The following FARS2 variants were observed in gnomAD, a reference collection of about 807,000 sequenced individuals.
FARS2 encodes the protein phenylalanyl-tRNA synthetase 2, mitochondrial.
Under a neutral mutation model 46.4 loss-of-function variants are expected in FARS2, and 40 were observed. The ratio of observed to expected loss-of-function variants is 0.86; its 90% CI spans 0.67 to 1.12. The LOEUF is 1.12. FARS2 is among the 50% of genes most tolerant of loss of function. The pLI, the probability that FARS2 is intolerant of heterozygous loss-of-function variation, is 0.00. For synonymous variants in FARS2, 234 were observed against 214.9 expected, an observed-to-expected ratio of 1.09 and a Z score of -0.78; for missense variants, 513 against 567.9, an observed-to-expected ratio of 0.90 and a Z score of 0.98.
intron 6 of FARS2, among the ~76,000 whole-genome samples, chr6:5,734,595 G>A (rs985219623): frequency 2.0e-5 from 3 of 152,144 alleles, no homozygotes; most frequent in Non-Finnish European, 2.9e-5. Context: ...CAGGGAACAC[G>A]TACATAGCAC....
intron 1 of FARS2, among the ~76,000 whole-genome samples, chr6:5,341,036 T>C (rs1365394343): frequency 1.3e-5 from 2 of 150,450 alleles, no homozygotes; most frequent in African/African-American, 2.4e-5. Context: ...TAATCCCAGC[T>C]ACTCAGGAGG....
At chr6:5,503,373 A>AGC (rs759408179) in intron 4 of FARS2, among the ~76,000 whole-genome samples, 1 of 136,266 alleles carries the variant, frequency 7.3e-6, no homozygotes, top group African/African-American at 2.7e-5. Flanking sequence ...AGGTATTCTT[A>AGC]ACACACACAC....
intron 2 of FARS2, among the ~76,000 whole-genome samples, chr6:5,391,242 G>T (rs964912544): frequency 3.3e-5 from 5 of 152,178 alleles, no homozygotes; most frequent in African/African-American, 1.2e-4. Context: ...ATGACTTGGA[G>T]ATTTTGGGTT....
chr6:5,597,632 G>A (rs752389789), intron 5 of FARS2, among the ~76,000 whole-genome samples: 46 of 152,194 alleles, frequency 3.0e-4, no homozygotes, highest in Non-Finnish European at 6.0e-4. Context: ...GAACTTTGGC[G>A]TAGGCTTTGT....
chr6:5,650,044 G>A (rs947843838), intron 6 of FARS2, among the ~76,000 whole-genome samples: 12 of 152,112 alleles, frequency 7.9e-5, no homozygotes, highest in Non-Finnish European at 1.3e-4. Flanking sequence ...CCCCACTGCC[G>A]GACCCATTTT....
chr6:5,520,696 A>G (rs1039843693), intron 4 of FARS2, among the ~76,000 whole-genome samples: 2 of 152,200 alleles, frequency 1.3e-5, no homozygotes, highest in Non-Finnish European at 2.9e-5. Flanking sequence ...GATGAGTGAA[A>G]AATGATGAAG....
At chr6:5,430,063 A>G (rs184162181) in intron 3 of FARS2, among the ~76,000 whole-genome samples, 39 of 152,194 alleles carry the variant, frequency 2.6e-4, no homozygotes, top group Non-Finnish European at 4.4e-4. Context: ...ACATGCAGGT[A>G]GTTTGGGGTG....
intron 5 of FARS2, among the ~76,000 whole-genome samples, chr6:5,596,358 A>G (rs1465149233): frequency 2.0e-5 from 3 of 152,198 alleles, no homozygotes; most frequent in Non-Finnish European, 4.4e-5. Flanking sequence ...CAAAATCTGG[A>G]CAACACCATC....
chr6:5,280,404 A>C (rs1766638515), intron 1 of FARS2, among the ~76,000 whole-genome samples: 1 of 152,220 alleles, frequency 6.6e-6, no homozygotes, highest in Non-Finnish European at 1.5e-5. Flanking sequence ...AATGACAGGC[A>C]GGTGATTTAG....
chr6:5,629,530 G>A (rs907290058), intron 6 of FARS2, among the ~76,000 whole-genome samples: 2 of 152,180 alleles, frequency 1.3e-5, no homozygotes, highest in African/African-American at 4.8e-5. Flanking sequence ...GAGGATGGGA[G>A]AGTTGGGAAA....
At chr6:5,669,970 A>C (rs996191778) in intron 6 of FARS2, among the ~76,000 whole-genome samples, 4 of 152,210 alleles carry the variant, frequency 2.6e-5, no homozygotes, top group African/African-American at 9.6e-5. Context: ...GGAGTCTGAC[A>C]TGAGAAAAGT....
intron 4 of FARS2, among the ~76,000 whole-genome samples, chr6:5,518,423 G>A (rs1768941429): frequency 6.6e-6 from 1 of 152,188 alleles, no homozygotes; most frequent in Non-Finnish European, 1.5e-5. Context: ...AGAAGTTACT[G>A]TAGATGAATG....
chr6:5,352,749 C>G (rs1757654095), intron 1 of FARS2, among the ~76,000 whole-genome samples: 1 of 151,590 alleles, frequency 6.6e-6, no homozygotes, highest in Non-Finnish European at 1.5e-5. Context: ...TCCTCCTTCC[C>G]TTCCTCCCTT....
At chr6:5,599,381 T>C (rs1394344960) in intron 5 of FARS2, among the ~76,000 whole-genome samples, 1 of 152,222 alleles carries the variant, frequency 6.6e-6, no homozygotes, top group African/African-American at 2.4e-5. Flanking sequence ...TGGGCAAACC[T>C]CCTGCAAATA....
At chr6:5,285,282 C>T (rs1245603767) in intron 1 of FARS2, among the ~76,000 whole-genome samples, 1 of 151,786 alleles carries the variant, frequency 6.6e-6, no homozygotes, top group East Asian at 1.9e-4. Flanking sequence ...CCGAGGGGAG[C>T]AATAAGCTGG....
intron 2 of FARS2, among the ~76,000 whole-genome samples, chr6:5,372,088 A>G (rs953045039): frequency 6.6e-6 from 1 of 152,162 alleles, no homozygotes; most frequent in African/African-American, 2.4e-5. Context: ...TAGTTCCTCA[A>G]TCAGGAAACT....
chr6:5,531,984 T>C (rs1769869805), intron 4 of FARS2, among the ~76,000 whole-genome samples: 1 of 152,192 alleles, frequency 6.6e-6, no homozygotes, highest in Non-Finnish European at 1.5e-5. Flanking sequence ...TGCTAACTAC[T>C]AGACCCATCA....
At chr6:5,668,430 A>G (rs1778257630) in intron 6 of FARS2, among the ~76,000 whole-genome samples, 1 of 152,202 alleles carries the variant, frequency 6.6e-6, no homozygotes, top group Admixed American at 6.5e-5. Context: ...TGTCCATGTG[A>G]TACTGAAATG....
chr6:5,717,349 A>ATGTGTGTGTGTG (rs1340235389), intron 6 of FARS2, among the ~76,000 whole-genome samples: 3 of 91,158 alleles, frequency 3.3e-5, no homozygotes, highest in African/African-American at 4.9e-5. Context: ...ATAGATATGT[A>ATGTGTGTGTGTG]TATGTGTGTG....
Sources: gnomAD v4.1 joint callset for allele counts (sites outside exome capture counted in the v4.1 genomes callset) on GRCh38, gnomAD v4.1.1 for gene constraint, MANE v1.5 for transcripts, NCBI Gene and HGNC (gene_info 2026-07-23, HGNC 2026-07-21) for gene names.